Variants in PDCL observed in about 807,000 individuals in gnomAD.
PDCL encodes the protein phosducin-like protein.
A neutral mutation model predicts 26.7 loss-of-function variants in PDCL; 11 were observed. The observed-to-expected ratio is 0.41, with a 90% CI of 0.26 to 0.68. The LOEUF (loss-of-function observed/expected upper bound fraction) is 0.68. PDCL is among the 30% of genes least tolerant of loss of function. The pLI is 0.30. For missense variants in PDCL, 330 were observed against 371.6 expected (o/e 0.89, Z 0.92); for synonymous variants, 118 against 134.9 (o/e 0.87, Z 0.87).
At position 122,819,565 on chromosome 9, in the gene PDCL, G is replaced by C. The variant is rs536448745; in HGVS notation, c.*520C>G. On this transcript the variant is annotated 3_prime_UTR_variant, in exon 4 of 4. Coordinates refer to ENST00000259467, the MANE Select transcript of PDCL (RefSeq NM_005388.5). The stretch of plus-strand genomic sequence containing the variant: ...ATCCAGCAGCAGAGGCCACCCCTCA[G>C]GACTGGGTGCGGTGGCTCACCCCTT... The C allele has an allele frequency of 1.8e-4, 28 of 152,652 alleles. No individual in the cohort carries two copies. The highest frequency in any genetic ancestry group is 6.5e-4 in the African/African-American group (27 of 41,542). 9.5% of individuals were successfully genotyped at this position (152,652 alleles called of 1,614,324 possible).
chr9:122,821,619 C>T (rs1167998204), intron 3 of PDCL, among the ~76,000 whole-genome samples: 1 of 152,126 alleles, frequency 6.6e-6, no homozygotes, highest in Admixed American at 6.6e-5. Context: ...TTTGCTTAAT[C>T]ACTTCCCTAA....
At chr9:122,822,149 G>C (rs1829561540) in intron 3 of PDCL, among the ~76,000 whole-genome samples, 1 of 152,078 alleles carries the variant, frequency 6.6e-6, no homozygotes, top group Non-Finnish European at 1.5e-5. Flanking sequence ...GATCCTGTGT[G>C]GTATTTTAGC....
chr9:122,825,630 C>T (rs117995551), intron 2 of PDCL, among the ~76,000 whole-genome samples: 2,094 of 152,066 alleles, frequency 0.014, 19 homozygotes, highest in Non-Finnish European at 0.023. Flanking sequence ...AAGACAACAA[C>T]AAACTGAAAG....
intron 2 of PDCL, among the ~76,000 whole-genome samples, chr9:122,823,956 GAC>G (rs996451807): frequency 3.0e-4 from 45 of 152,182 alleles, no homozygotes; most frequent in Admixed American, 2.8e-3. Flanking sequence ...TTTTAGTAGA[GAC>G]AGGGTTTCAC....
At chr9:122,820,695 TA>T in intron 3 of PDCL, 59 bp from the exon 4 acceptor site, 1 of 1,454,130 alleles carries the variant, frequency 6.9e-7, no homozygotes, top group South Asian at 1.3e-5. Flanking sequence ...TGATAACAGT[TA>T]ATATGGGCCG....
In PDCL at chr9:122,819,904, C is replaced by A; in HGVS notation, c.*181G>T. 2 of 524,370 alleles carry A rather than the reference C, an allele frequency of 3.8e-6. No individual in the cohort carries two copies. Among genetic ancestry groups the A allele is most frequent in the Non-Finnish European group, 6.6e-6 (2 of 303,956 alleles). 32.5% of individuals were successfully genotyped at this position (524,370 alleles called of 1,614,324 possible). On this transcript the variant is annotated 3_prime_UTR_variant, in exon 4 of 4. Transcript: ENST00000259467. ...TTCCTGTTTATACAACTGTAAGTCACCTTATTGCTAGCTACAAGGTTATTC... is the reference window on the plus strand; with the variant it reads ...TTCCTGTTTATACAACTGTAAGTCAACTTATTGCTAGCTACAAGGTTATTC...
intron 2 of PDCL, 132 bp from the exon 3 acceptor site, chr9:122,823,329 G>T: frequency 1.2e-6 from 1 of 857,336 alleles, no homozygotes; most frequent in Non-Finnish European, 1.9e-6. Flanking sequence ...TAGGGACTCT[G>T]TGTACTCTGC....
intron 2 of PDCL, 99 bp from the exon 3 acceptor site, chr9:122,823,296 C>A: frequency 8.9e-7 from 1 of 1,118,822 alleles, no homozygotes; most frequent in Admixed American, 1.8e-5. Flanking sequence ...CTGAAGCTTG[C>A]TCCATCTACT....
intron 2 of PDCL, among the ~76,000 whole-genome samples, chr9:122,825,661 A>G (rs990641122): frequency 6.6e-6 from 1 of 152,212 alleles, no homozygotes; most frequent in Non-Finnish European, 1.5e-5. Flanking sequence ...CACTCATATC[A>G]CAGATTAATT....
intron 3 of PDCL, 73 bp from the exon 4 acceptor site, chr9:122,820,709 C>A: frequency 7.7e-7 from 1 of 1,302,692 alleles, no homozygotes; most frequent in Non-Finnish European, 1.0e-6. Context: ...ATGGGCCGGG[C>A]GCGGTGGCTC....
In PDCL at chr9:122,818,161, A is replaced by G. The variant is rs1829508488; in HGVS notation, c.*1924T>C. Among the ~76,000 whole-genome samples the G allele has an allele frequency of 6.6e-6, 1 of 152,192 alleles. No individual in the cohort carries two copies. The highest frequency in any genetic ancestry group is 1.5e-5 in the Non-Finnish European group (1 of 68,036). ...CATGTGCCTGTAGTCCCAGCTACTC[A>G]GGAGGCTGAGGCAGGAGAACTGCTT... On this transcript the variant is annotated 3_prime_UTR_variant, in exon 4 of 4. Coordinates refer to ENST00000259467, the MANE Select transcript of PDCL (RefSeq NM_005388.5).
chr9:122,825,047 T>TA (rs1564269349), intron 2 of PDCL, among the ~76,000 whole-genome samples: 1 of 151,048 alleles, frequency 6.6e-6, no homozygotes, highest in African/African-American at 2.4e-5. Context: ...AGTAGCAATC[T>TA]AAAAAAAAAT....
chr9:122,818,324 T>C lies in PDCL; in HGVS notation c.*1761A>G, dbSNP rs1374680980. ...TAAAGAGACTGGTTAAATAAATTATTATATATCCAAATGATGAAATATTAT... is the reference window on the plus strand; with the variant it reads ...TAAAGAGACTGGTTAAATAAATTATCATATATCCAAATGATGAAATATTAT... On this transcript the variant is annotated 3_prime_UTR_variant, in exon 4 of 4. Transcript: ENST00000259467. The C allele has an allele frequency of 6.6e-6, 1 of 152,124 alleles. No individual in the cohort carries two copies. Among genetic ancestry groups the C allele is most frequent in the Non-Finnish European group, 1.5e-5 (1 of 68,034 alleles). 9.4% of individuals were successfully genotyped at this position (152,124 alleles called of 1,614,324 possible). A position where few individuals can be genotyped will look rare whatever the true frequency, so the allele number is the denominator to read the frequency against.
rs530495391 is a variant in PDCL at position 122,819,136 on chromosome 9, G to A, written c.*949C>T. On this transcript the variant is annotated 3_prime_UTR_variant, in exon 4 of 4. Coordinates refer to ENST00000259467, the MANE Select transcript of PDCL (RefSeq NM_005388.5). ...CAAACAAAATATCCATGTATACACA[G>A]AAAACACCTTGGCAGGAAACAGACC... 4.3e-4 allele frequency: 65 copies of A among 152,100 alleles called. 1 individual carries two copies. The highest frequency in any genetic ancestry group is 1.6e-3 in the African/African-American group (65 of 41,514). 9.4% of individuals were successfully genotyped at this position (152,100 alleles called of 1,614,324 possible).
intron 2 of PDCL, among the ~76,000 whole-genome samples, chr9:122,825,504 T>G (rs974747386): frequency 6.6e-6 from 1 of 152,070 alleles, no homozygotes; most frequent in East Asian, 1.9e-4. Flanking sequence ...CTTTATAAAG[T>G]AGGGTGAAGA....
Position 122,820,410 on chromosome 9 carries a change from C to T in PDCL, c.581G>A (p.Gly194Glu). 2 of 1,614,124 alleles carry T rather than the reference C, an allele frequency of 1.2e-6. No homozygotes were observed. Among genetic ancestry groups the T allele is most frequent in the South Asian group, 2.2e-5 (2 of 91,074 alleles). The change falls in exon 4 of 4, where the codon GGG becomes GAG. Residue 194 changes from glycine to glutamate, a missense_variant. Gly to Glu is a moderately conservative substitution (Grantham distance 98, BLOSUM62 -2). Coordinates refer to ENST00000259467, the MANE Select transcript of PDCL (RefSeq NM_005388.5). Reference sequence around the variant, plus strand: ...CATGCAACCATTCATGGCTTCGGTCCCTGGAATGCCATCCTCATAAATATG... The same window carrying T: ...CATGCAACCATTCATGGCTTCGGTCTCTGGAATGCCATCCTCATAAATATG... ...MVHIYEDGIP[G>E]TEAMNGCMIC... is the part of the protein sequence containing the mutation.
rs1051173995 is a variant in PDCL at position 122,818,532 on chromosome 9, A to G, written c.*1553T>C. On this transcript the variant is annotated 3_prime_UTR_variant, in exon 4 of 4. Coordinates refer to ENST00000259467, the MANE Select transcript of PDCL (RefSeq NM_005388.5). ...ACTTCCCTGCTTCTAATAATTTTCA[A>G]TACATTCCACCCTTTCTACTACAAC... is the stretch of plus-strand genomic sequence containing the variant. The G allele has an allele frequency of 3.9e-5, 6 of 152,016 alleles. No individual in the cohort carries two copies. Among genetic ancestry groups the G allele is most frequent in the African/African-American group, 9.7e-5 (4 of 41,428 alleles). 9.4% of individuals were successfully genotyped at this position (152,016 alleles called of 1,614,324 possible).
chr9:122,825,417 C>T (rs1829611694), intron 2 of PDCL, among the ~76,000 whole-genome samples: 1 of 152,176 alleles, frequency 6.6e-6, no homozygotes, highest in Non-Finnish European at 1.5e-5. Flanking sequence ...CCGCCTCAAC[C>T]TCCCAAAGTG....
chr9:122,828,374 G>C (rs897846509), intron 1 of PDCL, 97 bp downstream of exon 1: 9 of 152,466 alleles, frequency 5.9e-5, no homozygotes, highest in African/African-American at 2.2e-4. Context: ...GGTCGAGACA[G>C]AGCGAAGAAG....
Sources: gnomAD v4.1 joint callset for allele counts (sites outside exome capture counted in the v4.1 genomes callset) on GRCh38, gnomAD v4.1.1 for gene constraint, MANE v1.5 for transcripts, NCBI Gene and HGNC (gene_info 2026-07-23, HGNC 2026-07-21) for gene names.